The following CELF2 variants were observed in gnomAD, a reference collection of about 807,000 sequenced individuals.
CELF2 encodes the protein CUGBP Elav-like family member 2.
A neutral mutation model predicts 62.6 loss-of-function variants in CELF2; 8 were observed. The observed-to-expected ratio is 0.13, with a 90% CI of 0.07 to 0.23. CELF2 has a LOEUF of 0.23. CELF2 is among the 10% of genes least tolerant of loss of function. The pLI is 1.00. For synonymous variants in CELF2, 258 were observed against 250.0 expected, an observed-to-expected ratio of 1.03 and a Z score of -0.30; for missense variants, 333 against 671.0, an observed-to-expected ratio of 0.50 and a Z score of 5.56.
At chr10:10,515,427 A>G in the CELF2 span, among the ~76,000 whole-genome samples, 1 of 152,218 alleles carries the variant, frequency 6.6e-6, no homozygotes, top group South Asian at 2.1e-4. Context: ...CTATTACTAT[A>G]TAGTTTTCAA....
chr10:10,893,607 G>A (rs1399762313), intron 1 of CELF2, among the ~76,000 whole-genome samples: 1 of 152,170 alleles, frequency 6.6e-6, no homozygotes, highest in Non-Finnish European at 1.5e-5. Context: ...AAGAAAAGTG[G>A]TTTAATTGGC....
chr10:11,277,011 C>T (rs2086383976), intron 8 of CELF2, among the ~76,000 whole-genome samples: 1 of 152,218 alleles, frequency 6.6e-6, no homozygotes, highest in Non-Finnish European at 1.5e-5. Context: ...TAAGTCCTCA[C>T]AGGCTAGGAA....
intron 1 of CELF2, among the ~76,000 whole-genome samples, chr10:10,899,189 A>G (rs2062763098): frequency 6.6e-6 from 1 of 152,222 alleles, no homozygotes; most frequent in African/African-American, 2.4e-5. Context: ...AAGAAGAGCT[A>G]ATTAAACACA....
At chr10:11,226,906 T>G (rs1185851560) in intron 3 of CELF2, among the ~76,000 whole-genome samples, 1 of 152,220 alleles carries the variant, frequency 6.6e-6, no homozygotes, top group Non-Finnish European at 1.5e-5. Flanking sequence ...ATCATCGCAT[T>G]GACATTCATG....
At chr10:10,694,579 G>C in the CELF2 span, among the ~76,000 whole-genome samples, 2 of 152,002 alleles carry the variant, frequency 1.3e-5, no homozygotes, top group African/African-American at 4.8e-5. Flanking sequence ...CTGACTTTCT[G>C]TCTCGTTGAT....
the CELF2 span, among the ~76,000 whole-genome samples, chr10:10,635,806 C>T: frequency 2.6e-5 from 4 of 152,262 alleles, no homozygotes; most frequent in East Asian, 1.9e-4. Flanking sequence ...CTCTCCAAAA[C>T]GAGGTAGTCA....
the CELF2 span, among the ~76,000 whole-genome samples, chr10:10,763,448 G>A: frequency 6.6e-6 from 1 of 152,072 alleles, no homozygotes. Flanking sequence ...ACCTGGAAAC[G>A]CTGCCCCGGT....
chr10:11,320,812 C>CCTCTGCTA, intron 10 of CELF2: 1 of 1,509,684 alleles, frequency 6.6e-7, no homozygotes, highest in Non-Finnish European at 8.9e-7. Context: ...ATGTTACAGG[C>CCTCTGCTA]CTCTGCTACT....
chr10:10,919,869 C>A, intron 1 of CELF2: 2 of 797,100 alleles, frequency 2.5e-6, no homozygotes, highest in Non-Finnish European at 3.4e-6. Flanking sequence ...TTCTTTATAC[C>A]TGATACCATA....
the CELF2 span, among the ~76,000 whole-genome samples, chr10:10,626,948 G>A: frequency 2.0e-5 from 3 of 152,192 alleles, no homozygotes; most frequent in Non-Finnish European, 4.4e-5. Flanking sequence ...CGGGCCATGA[G>A]GCTTTGTGAA....
chr10:11,058,693 G>A (rs1276002333), intron 1 of CELF2, among the ~76,000 whole-genome samples: 1 of 151,844 alleles, frequency 6.6e-6, no homozygotes, highest in Non-Finnish European at 1.5e-5. Context: ...GTCTCAAACT[G>A]CTGACCTCAG....
chr10:10,495,843 G>T, the CELF2 span, among the ~76,000 whole-genome samples: 1 of 152,132 alleles, frequency 6.6e-6, no homozygotes, highest in Non-Finnish European at 1.5e-5. Flanking sequence ...AGGACTGTAC[G>T]CATTTTCACC....
the CELF2 span, among the ~76,000 whole-genome samples, chr10:10,708,881 C>T: frequency 6.6e-6 from 1 of 152,150 alleles, no homozygotes; most frequent in Non-Finnish European, 1.5e-5. Flanking sequence ...CACGCACACG[C>T]ACACCGTATA....
At chr10:10,808,513 G>A (rs915411407) in intron 1 of CELF2, among the ~76,000 whole-genome samples, 1 of 152,074 alleles carries the variant, frequency 6.6e-6, no homozygotes, top group Non-Finnish European at 1.5e-5. Context: ...TTGATTTTAG[G>A]AAGGCAAAGC....
At chr10:11,249,035 G>T (rs541427236) in intron 3 of CELF2, 118 bp from the exon 4 acceptor site, 3 of 787,494 alleles carry the variant, frequency 3.8e-6, no homozygotes, top group Non-Finnish European at 6.6e-6. Flanking sequence ...ACCTGGAGAA[G>T]TCTTGTTGTC....
chr10:10,901,787 T>C (rs979975728), intron 1 of CELF2, among the ~76,000 whole-genome samples: 2 of 152,186 alleles, frequency 1.3e-5, no homozygotes, highest in African/African-American at 4.8e-5. Flanking sequence ...CCAGAACATA[T>C]TAGGTTTGTG....
intron 2 of CELF2, among the ~76,000 whole-genome samples, chr10:11,185,680 C>G (rs956853641): frequency 1.3e-5 from 2 of 152,196 alleles, no homozygotes; most frequent in Non-Finnish European, 2.9e-5. Context: ...TCCCAAAGTA[C>G]TGGGATTACA....
At chr10:10,921,751 G>C (rs967375116) in intron 2 of CELF2, among the ~76,000 whole-genome samples, 1 of 152,046 alleles carries the variant, frequency 6.6e-6, no homozygotes, top group African/African-American at 2.4e-5. Context: ...CGCAGGAAAG[G>C]GGTGTGTGGA....
chr10:10,651,530 C>G, the CELF2 span, among the ~76,000 whole-genome samples: 47 of 122,386 alleles, frequency 3.8e-4, 1 homozygote, highest in South Asian at 1.2e-3. Flanking sequence ...ATCTGAGAAC[C>G]AGCAGACTGC....
Sources: allele counts gnomAD v4.1 joint callset (sites outside exome capture counted in the v4.1 genomes callset), GRCh38; gene constraint gnomAD v4.1.1; transcripts MANE v1.5; gene names NCBI Gene and HGNC (gene_info 2026-07-23, HGNC 2026-07-21).